Variants in ZNF91 observed in about 807,000 individuals in gnomAD.
The protein encoded by ZNF91 is zinc finger protein 91 (HPF7, HTF10).
Under a neutral mutation model 12.6 loss-of-function variants are expected in ZNF91, and 7 were observed. The observed-to-expected ratio is 0.55, with a 90% CI of 0.31 to 1.04. The LOEUF is 1.04. ZNF91 is among the 50% of genes least tolerant of loss of function. The pLI is 0.05. For missense variants in ZNF91, 1,217 were observed against 1,385.4 expected (o/e 0.88, Z 1.93); for synonymous variants, 453 against 462.6 (o/e 0.98, Z 0.27).
Position 23,362,738 on chromosome 19 carries a change from A to G in ZNF91, c.254-13T>C. 7.0e-7 allele frequency: 1 copy of G among 1,430,458 alleles called. No individual in the cohort carries two copies. Among genetic ancestry groups the G allele is most frequent in the South Asian group, 1.9e-5 (1 of 52,506 alleles). The allele number at this position is 1,430,458 out of a possible 1,614,324, so 88.6% of individuals were successfully genotyped here. ...TGAGGACATATACCTGAAAAAAAAA[A>G]ACTAAAAATAATAAATTACTCCACT... On this transcript the variant is annotated splice_polypyrimidine_tract_variant and intron_variant, in intron 3 of 3. Coordinates refer to ENST00000300619, the MANE Select transcript of ZNF91 (RefSeq NM_003430.4).
At chr19:23,328,425 C>T (rs527708648) in intron 1 of ZNF91, 3 of 152,206 alleles carry the variant, frequency 2.0e-5, no homozygotes, top group South Asian at 2.1e-4. Flanking sequence ...GGTACAAAAG[C>T]CCTGAGGTTG....
intron 1 of ZNF91, among the ~76,000 whole-genome samples, chr19:23,377,628 T>A (rs1297418683): frequency 6.6e-6 from 1 of 152,206 alleles, no homozygotes; most frequent in Non-Finnish European, 1.5e-5. Flanking sequence ...CACTCAGCAC[T>A]CCTGTCACAA....
At chr19:23,354,781 C>T (rs549765142), downstream of ZNF91, among the ~76,000 whole-genome samples, 7 of 152,216 alleles carry the variant, frequency 4.6e-5, no homozygotes, top group South Asian at 2.1e-4. Context: ...TTTCAGGATA[C>T]GAGATTAATG....
downstream of ZNF91, among the ~76,000 whole-genome samples, chr19:23,352,936 A>C (rs1042314614): frequency 1.3e-5 from 2 of 152,200 alleles, no homozygotes; most frequent in African/African-American, 4.8e-5. Context: ...TGCACCTAAC[A>C]CTGGAGCTCC....
At chr19:23,307,255 A>C (rs559182844) in intron 3 of ZNF91, 1 of 152,258 alleles carries the variant, frequency 6.6e-6, no homozygotes, top group African/African-American at 2.4e-5. Context: ...CCCTGTCCAC[A>C]AGGGGCAATG....
At chr19:23,321,283 A>C (rs1363078695) in intron 1 of ZNF91, among the ~76,000 whole-genome samples, 3 of 152,162 alleles carry the variant, frequency 2.0e-5, no homozygotes, top group Non-Finnish European at 4.4e-5. Flanking sequence ...GGTGCCTCTT[A>C]CAGGAGGCAT....
chr19:23,326,265 T>C (rs1251540341), intron 1 of ZNF91: 1 of 152,218 alleles, frequency 6.6e-6, no homozygotes, highest in African/African-American at 2.4e-5. Context: ...GAATATTTTT[T>C]CCATCTTCTG....
intron 3 of ZNF91, among the ~76,000 whole-genome samples, chr19:23,352,645 C>T (rs1377190463): frequency 6.6e-6 from 1 of 152,140 alleles, no homozygotes; most frequent in Non-Finnish European, 1.5e-5. Flanking sequence ...GGCCTAAATA[C>T]TCCAATTAAA....
chr19:23,384,006 A>C (rs980662851), intron 1 of ZNF91, among the ~76,000 whole-genome samples: 1 of 152,156 alleles, frequency 6.6e-6, no homozygotes, highest in Non-Finnish European at 1.5e-5. Context: ...GCTACTCACG[A>C]GGCTGAGACA....
upstream of ZNF91, among the ~76,000 whole-genome samples, chr19:23,312,754 C>A (rs1467961891): frequency 1.3e-5 from 2 of 152,176 alleles, no homozygotes; most frequent in South Asian, 2.1e-4. Context: ...TTCATACCAG[C>A]ACAAATGTCT....
At chr19:23,324,876 A>G (rs1315878215) in intron 1 of ZNF91, 2 of 151,996 alleles carry the variant, frequency 1.3e-5, no homozygotes, top group Admixed American at 6.6e-5. Flanking sequence ...AAATTGTTAC[A>G]TAACTATCCG....
chr19:23,374,025 G>T (rs1969401933), intron 2 of ZNF91, among the ~76,000 whole-genome samples, 188 bp from the exon 3 acceptor site: 1 of 151,944 alleles, frequency 6.6e-6, no homozygotes, highest in South Asian at 2.1e-4. Context: ...TTACTGCTTG[G>T]TACTACTGTA....
chr19:23,381,609 C>A (rs1487817856), intron 1 of ZNF91, among the ~76,000 whole-genome samples: 1 of 151,902 alleles, frequency 6.6e-6, no homozygotes, highest in African/African-American at 2.4e-5. Flanking sequence ...TACAGGCGTG[C>A]GCCACCATGC....
intron 1 of ZNF91, among the ~76,000 whole-genome samples, chr19:23,330,114 T>G (rs552191919): frequency 1.3e-3 from 205 of 152,212 alleles, no homozygotes; most frequent in African/African-American, 4.5e-3. Context: ...GCGGATCACC[T>G]GATGTCAGGA....
chr19:23,351,906 G>T (rs780053486), intron 3 of ZNF91, among the ~76,000 whole-genome samples: 1 of 152,134 alleles, frequency 6.6e-6, no homozygotes, highest in Non-Finnish European at 1.5e-5. Flanking sequence ...GCTGAATCCC[G>T]AAGCAGCCCA....
At chr19:23,319,951 G>GA (rs1182692506) in intron 1 of ZNF91, among the ~76,000 whole-genome samples, 1 of 152,212 alleles carries the variant, frequency 6.6e-6, no homozygotes, top group Admixed American at 6.5e-5. Flanking sequence ...AAAGGTCACA[G>GA]AGGTTTACCA....
downstream of ZNF91, among the ~76,000 whole-genome samples, chr19:23,337,342 G>A (rs1599698480): frequency 8.6e-6 from 1 of 116,820 alleles, no homozygotes; most frequent in South Asian, 3.1e-4. Context: ...ATATATGTGT[G>A]TGTGTATGTG....
intron 3 of ZNF91, among the ~76,000 whole-genome samples, chr19:23,364,669 C>A (rs1433214912): frequency 2.0e-5 from 3 of 151,162 alleles, no homozygotes; most frequent in Non-Finnish European, 4.4e-5. Context: ...AAAAGTGTTT[C>A]TCCCATAAAA....
At chr19:23,337,363 T>C (rs1198270898), downstream of ZNF91, among the ~76,000 whole-genome samples, 1 of 151,816 alleles carries the variant, frequency 6.6e-6, no homozygotes, top group Non-Finnish European at 1.5e-5. Flanking sequence ...TGTGTGTATA[T>C]ATATATATTT....
Sources: allele counts gnomAD v4.1 joint callset (sites outside exome capture counted in the v4.1 genomes callset), GRCh38; gene constraint gnomAD v4.1.1; transcripts MANE v1.5; gene names NCBI Gene and HGNC (gene_info 2026-07-23, HGNC 2026-07-21).